Variants in PRKCZ observed in about 807,000 individuals in gnomAD.
PRKCZ encodes the protein protein kinase C zeta, also known as protein kinase C zeta type.
In PRKCZ, 33 loss-of-function variants were observed where a neutral mutation model predicts 79.5. The ratio of observed to expected loss-of-function variants is 0.41; its 90% CI spans 0.31 to 0.55. PRKCZ has a LOEUF of 0.55. Ranked by LOEUF, PRKCZ falls within the 20% of genes least tolerant of loss-of-function variation. The probability of loss-of-function intolerance (pLI) is 0.19; values close to 1 mark genes in which losing one functional copy is unlikely to be tolerated. For missense variants in PRKCZ, 578 were observed against 813.5 expected, an observed-to-expected ratio of 0.71 and a Z score of 3.52; for synonymous variants, 342 against 320.9, an observed-to-expected ratio of 1.07 and a Z score of -0.70.
chr1:2,087,109 A>C (rs1191958049), intron 4 of PRKCZ, among the ~76,000 whole-genome samples: 1 of 151,732 alleles, frequency 6.6e-6, no homozygotes, highest in Non-Finnish European at 1.5e-5. Flanking sequence ...TTGAGACAGA[A>C]TCTTGCTCTG....
At chr1:2,054,570 T>A (rs2803304) in intron 1 of PRKCZ, among the ~76,000 whole-genome samples, 41,438 of 147,686 alleles carry the variant, frequency 0.28, 8,870 homozygotes, top group African/African-American at 0.61. Context: ...GACTCGGTTT[T>A]AAAAAAAAAA....
chr1:2,169,384 CTGCTCTT>C (rs755485566), intron 10 of PRKCZ, 127 bp from the exon 11 acceptor site: 12 of 775,376 alleles, frequency 1.5e-5, no homozygotes, highest in East Asian at 8.4e-5. Flanking sequence ...GGTGCTCCTG[CTGCTCTT>C]TGCTCTTTGC....
chr1:2,132,613 G>A lies in PRKCZ; in HGVS notation c.335-2649G>A, dbSNP rs532902576. Among the ~76,000 whole-genome samples, 13 of 152,342 alleles carry A rather than the reference G, an allele frequency of 8.5e-5. No individual in the cohort carries two copies. The East Asian group carries it at 9.6e-4, about 11-fold the overall frequency. On this transcript the variant is annotated intron_variant, in intron 4 of 17. Transcript: ENST00000378567. ...TGCTTGTGTCTCTCTCGGGCGAGACGCCTGCTCTGGGCTTCTGTTCCTATT... is the reference window on the plus strand; with the variant it reads ...TGCTTGTGTCTCTCTCGGGCGAGACACCTGCTCTGGGCTTCTGTTCCTATT...
chr1:2,112,775 C>T (rs1670012955), intron 4 of PRKCZ, among the ~76,000 whole-genome samples: 1 of 151,874 alleles, frequency 6.6e-6, no homozygotes, highest in Non-Finnish European at 1.5e-5. Context: ...CTGTAACCTC[C>T]ACCTCCTGGG....
chr1:2,055,597 C>A, intron 2 of PRKCZ, 35 bp downstream of exon 2: 1 of 1,595,320 alleles, frequency 6.3e-7, no homozygotes, highest in Non-Finnish European at 8.6e-7. Flanking sequence ...GAATCCTCAG[C>A]CTCAGGGGAC....
intron 7 of PRKCZ, among the ~76,000 whole-genome samples, chr1:2,147,135 A>G (rs1023343031): frequency 4.7e-5 from 7 of 149,522 alleles, no homozygotes; most frequent in Admixed American, 2.7e-4. Flanking sequence ...CTATCCATCT[A>G]TTGTCCACTG....
intron 3 of PRKCZ, 72 bp from the exon 4 acceptor site, chr1:2,059,469 G>A (rs1440173793): frequency 6.4e-7 from 1 of 1,572,834 alleles, no homozygotes; most frequent in African/African-American, 1.4e-5. Context: ...GACTGAGGCG[G>A]GACTTCCTCC....
intron 3 of PRKCZ, 73 bp downstream of exon 3, chr1:2,056,646 G>C: frequency 7.3e-7 from 1 of 1,373,594 alleles, no homozygotes; most frequent in Non-Finnish European, 1.0e-6. Context: ...GACTAGCTGG[G>C]GGATTTAAAA....
intron 9 of PRKCZ, among the ~76,000 whole-genome samples, chr1:2,154,283 G>C (rs2103264970): frequency 6.6e-6 from 1 of 152,290 alleles, no homozygotes; most frequent in African/African-American, 2.4e-5. Flanking sequence ...GCAGCCGTCG[G>C]GGGGCAGGTC....
intron 4 of PRKCZ, among the ~76,000 whole-genome samples, chr1:2,106,875 CCACACG>C: frequency 6.7e-6 from 1 of 148,622 alleles, no homozygotes; most frequent in South Asian, 2.2e-4. Context: ...GCAAGCCCCT[CCACACG>C]TGTCACCAGG....
At chr1:2,092,065 T>C (rs2490561) in intron 4 of PRKCZ, among the ~76,000 whole-genome samples, 76,057 of 152,044 alleles carry the variant, frequency 0.5, 22,874 homozygotes, top group East Asian at 0.88. Flanking sequence ...TGCTGCCACC[T>C]GTGCGGCCGC....
At chr1:2,124,984 C>G (rs1456943474) in intron 4 of PRKCZ, among the ~76,000 whole-genome samples, 1 of 152,194 alleles carries the variant, frequency 6.6e-6, no homozygotes, top group African/African-American at 2.4e-5. Context: ...CAGCTCAGTT[C>G]CTGGTTCTGA....
At chr1:2,104,574 G>A (rs906379549) in intron 4 of PRKCZ, 8 of 580,220 alleles carry the variant, frequency 1.4e-5, no homozygotes, top group Non-Finnish European at 1.7e-5. Context: ...GGGAGGCTGG[G>A]AGGGGACAAT....
chr1:2,104,646 A>G (rs1571400322), intron 4 of PRKCZ: 2 of 978,824 alleles, frequency 2.0e-6, no homozygotes, highest in Non-Finnish European at 2.4e-6. Flanking sequence ...GGGAGCATCC[A>G]GGGGAAGCCA....
At position 2,125,171 on chromosome 1, in the gene PRKCZ, G is replaced by A. The variant is rs117967167; in HGVS notation, c.335-10091G>A. On this transcript the variant is annotated intron_variant, in intron 4 of 17. Coordinates refer to ENST00000378567, the MANE Select transcript of PRKCZ (RefSeq NM_002744.6). The surrounding 1 kb of genome is among the most constrained non-coding windows in gnomAD (Gnocchi z 4.2). ...CTTGTTGTTGGTGTTGATGTGTTTT[G>A]TTTGTTTTAGTGAATCCAGAAAAAA... Among the ~76,000 whole-genome samples, 1 of 152,142 alleles carries A rather than the reference G, an allele frequency of 6.6e-6. No homozygotes were observed. Among genetic ancestry groups the A allele is most frequent in the Non-Finnish European group, 1.5e-5 (1 of 68,020 alleles).
chr1:2,174,868 G>T lies in PRKCZ; in HGVS notation c.1485+35G>T. On this transcript the variant is annotated intron_variant, in intron 15 of 17. Coordinates refer to ENST00000378567, the MANE Select transcript of PRKCZ (RefSeq NM_002744.6). This position sits in a 1 kb window ranked among gnomAD's most constrained non-coding sequence, Gnocchi z 6.2. Reference sequence around the variant, plus strand: ...TGGCCATGCTGACAAAATCTCGTTTGTGGCCTCGGTGTTGGTGGGCAGAGG... The same window carrying T: ...TGGCCATGCTGACAAAATCTCGTTTTTGGCCTCGGTGTTGGTGGGCAGAGG... 1 of 1,600,432 alleles carries T rather than the reference G, an allele frequency of 6.2e-7. No homozygotes were observed. Among genetic ancestry groups the T allele is most frequent in the Non-Finnish European group, 8.6e-7 (1 of 1,167,766 alleles).
At chr1:2,067,033 A>G (rs903656666) in intron 4 of PRKCZ, among the ~76,000 whole-genome samples, 2 of 152,090 alleles carry the variant, frequency 1.3e-5, no homozygotes, top group Middle Eastern at 3.2e-3. Flanking sequence ...TCTTCTATCC[A>G]TTGGTTGAGT....
In PRKCZ at chr1:2,173,782, G is replaced by T; in HGVS notation, c.1286-115G>T. Reference sequence around the variant, plus strand: ...AGTCACAGAGGCCTGTGTGCCGCCTGCTCAAGCCTGGCTCACACTCGTGTC... The same window carrying T: ...AGTCACAGAGGCCTGTGTGCCGCCTTCTCAAGCCTGGCTCACACTCGTGTC... On this transcript the variant is annotated intron_variant, in intron 13 of 17. Coordinates refer to ENST00000378567, the MANE Select transcript of PRKCZ (RefSeq NM_002744.6). This position sits in a 1 kb window ranked among gnomAD's most constrained non-coding sequence, Gnocchi z 5.7. 7.0e-7 allele frequency: 1 copy of T among 1,435,554 alleles called. No individual in the cohort carries two copies. Among genetic ancestry groups the T allele is most frequent in the Non-Finnish European group, 9.3e-7 (1 of 1,080,134 alleles). The allele number at this position is 1,435,554 out of a possible 1,614,324, so 88.9% of individuals were successfully genotyped here. A position where few individuals can be genotyped will look rare whatever the true frequency, so the allele number is the denominator to read the frequency against.
At chr1:2,072,018 G>A (rs571572415) in intron 4 of PRKCZ, among the ~76,000 whole-genome samples, 10 of 152,368 alleles carry the variant, frequency 6.6e-5, no homozygotes, top group East Asian at 1.9e-4. Context: ...AATTAAAAGC[G>A]TAGAAATCCT....
Sources: allele counts gnomAD v4.1 joint callset (sites outside exome capture counted in the v4.1 genomes callset), GRCh38; gene constraint gnomAD v4.1.1; non-coding constraint Gnocchi (gnomAD v3.1); transcripts MANE v1.5; gene names NCBI Gene and HGNC (gene_info 2026-07-23, HGNC 2026-07-21).